PPP2R5D: variants seen among roughly 807,000 people sequenced by gnomAD.
The protein encoded by PPP2R5D is serine/threonine-protein phosphatase 2A 56 kDa regulatory subunit delta isoform.
A neutral mutation model predicts 79.1 loss-of-function variants in PPP2R5D; 12 were observed. That is an observed-to-expected ratio of 0.15 (90% confidence interval 0.10 to 0.25). The LOEUF (loss-of-function observed/expected upper bound fraction) is 0.25, where lower values mean the gene tolerates loss of function less well. Among genes scored for constraint, PPP2R5D ranks in the 10% least tolerant of loss-of-function variants. The pLI, the probability that PPP2R5D is intolerant of heterozygous loss-of-function variation, is 1.00. For synonymous variants in PPP2R5D, 277 were observed against 286.6 expected, an observed-to-expected ratio of 0.97 and a Z score of 0.34; for missense variants, 419 against 760.2, an observed-to-expected ratio of 0.55 and a Z score of 5.28.
At chr6:42,999,219 G>A (rs866454771) in intron 2 of PPP2R5D, among the ~76,000 whole-genome samples, 1 of 152,190 alleles carries the variant, frequency 6.6e-6, no homozygotes, top group Admixed American at 6.6e-5. Flanking sequence ...AGTGGCTGGG[G>A]CTTTTAAGAG....
Position 42,989,646 on chromosome 6 carries a change from T to G in PPP2R5D, c.63T>G (p.Pro21=), listed in dbSNP as rs1771110543. The change falls in exon 2 of 16, where the codon CCT becomes CCG. Residue 21 remains proline, a synonymous_variant. Transcript: ENST00000485511. ...PPKVAKCTAK[P]SSSGKDGGGE... is the part of the protein sequence containing the mutation. ...AGGTTGCCAAATGCACAGCCAAGCCTAGCAGCTCGGGCAAGGATGGTGGAG... is the reference window on the plus strand; with the variant it reads ...AGGTTGCCAAATGCACAGCCAAGCCGAGCAGCTCGGGCAAGGATGGTGGAG... The G allele has an allele frequency of 1.2e-6, 2 of 1,613,884 alleles. No individual in the cohort carries two copies. The highest frequency in any genetic ancestry group is 1.7e-5 in the Admixed American group (1 of 59,988).
rs1288346714 is a variant in PPP2R5D, at chr6:43,011,137, A to G, written c.1672-12A>G. The G allele has an allele frequency of 9.9e-6, 16 of 1,614,000 alleles. No homozygotes were observed. The highest frequency in any genetic ancestry group is 8.8e-5 in the South Asian group (8 of 91,084). On this transcript the variant is annotated splice_polypyrimidine_tract_variant and intron_variant, in intron 15 of 15. Transcript: ENST00000485511. ...GGTCACCATTCCTCACCTTGTCCCT[A>G]TTCACACACAGATGCTAAAAGACAT...
chr6:43,001,238 A>T (rs936589755), intron 2 of PPP2R5D, among the ~76,000 whole-genome samples: 1 of 152,076 alleles, frequency 6.6e-6, no homozygotes, highest in African/African-American at 2.4e-5. Flanking sequence ...CATTGCCAAG[A>T]TCAAGCAATT....
chr6:42,997,464 T>C (rs931562468), intron 2 of PPP2R5D, among the ~76,000 whole-genome samples: 1 of 151,820 alleles, frequency 6.6e-6, no homozygotes, highest in African/African-American at 2.4e-5. Context: ...AGTGCTGGGA[T>C]TACAGGCGTG....
chr6:43,009,474 T>G lies in PPP2R5D; in HGVS notation c.1379+25T>G. The stretch of plus-strand genomic sequence containing the variant: ...AGTAAGGCGCTGGGGTGGGGCTGGG[T>G]GGTGGGGATCCAGTTTGGGAAACTT... On this transcript the variant is annotated intron_variant, in intron 12 of 15. Transcript: ENST00000485511. This position sits in a 1 kb window ranked among gnomAD's most constrained non-coding sequence, Gnocchi z 5.6. 1 of 1,613,324 alleles carries G rather than the reference T, an allele frequency of 6.2e-7. No homozygotes were observed. Among genetic ancestry groups the G allele is most frequent in the Non-Finnish European group, 8.5e-7 (1 of 1,179,816 alleles).
chr6:43,008,169 G>T lies in PPP2R5D; in HGVS notation c.858-32G>T. 6.2e-7 allele frequency: 1 copy of T among 1,612,956 alleles called. No individual in the cohort carries two copies. The highest frequency in any genetic ancestry group is 8.5e-7 in the Non-Finnish European group (1 of 1,179,718). On this transcript the variant is annotated intron_variant, in intron 7 of 15. Transcript: ENST00000485511. This position sits in a 1 kb window ranked among gnomAD's most constrained non-coding sequence, Gnocchi z 4.2. ...TACAGAATGCTGGAGGGACATCAGG[G>T]GTTGTCAAGAGAGCCATTTTTCTTC...
Position 43,008,289 on chromosome 6 carries a change from C to T in PPP2R5D, c.917+29C>T. On this transcript the variant is annotated intron_variant, in intron 8 of 15. Coordinates refer to ENST00000485511, the MANE Select transcript of PPP2R5D (RefSeq NM_006245.4). The surrounding 1 kb of genome is among the most constrained non-coding windows in gnomAD (Gnocchi z 4.2). ...AGAGGCCGGGTGGGGGCACAGATGC[C>T]TGAAAAAGGTTGGCAGGATTGGTGT... 1 of 1,614,082 alleles carries T rather than the reference C, an allele frequency of 6.2e-7. No homozygotes were observed. Among genetic ancestry groups the T allele is most frequent in the Non-Finnish European group, 8.5e-7 (1 of 1,179,942 alleles).
At chr6:42,996,830 C>T (rs1206911309) in intron 2 of PPP2R5D, among the ~76,000 whole-genome samples, 1 of 152,090 alleles carries the variant, frequency 6.6e-6, no homozygotes, top group African/African-American at 2.4e-5. Flanking sequence ...GAGAGAAGGC[C>T]TCTGATTTTT....
At position 43,011,151 on chromosome 6, in the gene PPP2R5D, G is replaced by A; in HGVS notation, c.1674G>A (p.Met558Ile). Residue 558 changes from methionine to isoleucine, a missense_variant and splice_region_variant, in exon 16 of 16, where the codon ATG becomes ATA. Physicochemically the swap from Met to Ile is conservative, Grantham distance 10. Transcript: ENST00000485511. Reference sequence around the variant, plus strand: ...ACCTTGTCCCTATTCACACACAGATGCTAAAAGACATCAAGAAGGAGAAAG... The same window carrying A: ...ACCTTGTCCCTATTCACACACAGATACTAAAAGACATCAAGAAGGAGAAAG... Reference protein sequence around the residue: ...KRTVETEAVQMLKDIKKEKVL... With the variant: ...KRTVETEAVQILKDIKKEKVL... The A allele has an allele frequency of 1.9e-6, 3 of 1,614,122 alleles. No homozygotes were observed. The highest frequency in any genetic ancestry group is 3.3e-5 in the Admixed American group (2 of 60,012).
chr6:43,006,854 G>A lies in PPP2R5D; in HGVS notation c.323-57G>A, dbSNP rs1162237812. On this transcript the variant is annotated intron_variant, in intron 3 of 15. Transcript: ENST00000485511. This position sits in a 1 kb window ranked among gnomAD's most constrained non-coding sequence, Gnocchi z 4.7. ...GGTAAGGGAAAGCCCTTGAAGGCAAGCAGGGCATCGCAGTGAAGGACTACA... is the reference window on the plus strand; with the variant it reads ...GGTAAGGGAAAGCCCTTGAAGGCAAACAGGGCATCGCAGTGAAGGACTACA... The A allele has an allele frequency of 6.3e-7, 1 of 1,599,414 alleles. No homozygotes were observed. Among genetic ancestry groups the A allele is most frequent in the Non-Finnish European group, 8.6e-7 (1 of 1,168,962 alleles).
chr6:42,987,686 G>C (rs866560437), intron 1 of PPP2R5D, among the ~76,000 whole-genome samples: 32 of 152,104 alleles, frequency 2.1e-4, no homozygotes, highest in Non-Finnish European at 4.7e-4. Flanking sequence ...TGTTCTGCAG[G>C]AGCCAGGGAG....
At chr6:43,003,158 C>G (rs1321870236) in intron 2 of PPP2R5D, among the ~76,000 whole-genome samples, 1 of 152,158 alleles carries the variant, frequency 6.6e-6, no homozygotes, top group Non-Finnish European at 1.5e-5. Flanking sequence ...CACGGTGGCT[C>G]ACACCTGTAA....
At position 43,009,035 on chromosome 6, in the gene PPP2R5D, C is replaced by T. The variant is rs1033731294; in HGVS notation, c.1081-22C>T. On this transcript the variant is annotated intron_variant, in intron 10 of 15. Transcript: ENST00000485511. The surrounding 1 kb of genome is among the most constrained non-coding windows in gnomAD (Gnocchi z 5.6). ...AGGCAGGTGCAAAGAATTTTCATCC[C>T]CATGCCCTCCTTGTCTCCCAGGTAA... 1.2e-6 allele frequency: 2 copies of T among 1,610,486 alleles called. No homozygotes were observed. Among genetic ancestry groups the T allele is most frequent in the Non-Finnish European group, 1.7e-6 (2 of 1,177,856 alleles).
chr6:43,007,858 C>T lies in PPP2R5D; in HGVS notation c.727-77C>T, dbSNP rs770523983. On this transcript the variant is annotated intron_variant, in intron 6 of 15. Transcript: ENST00000485511. This position sits in a 1 kb window ranked among gnomAD's most constrained non-coding sequence, Gnocchi z 4.5. ...CAGGGGACCTCTGCATTTCCCCTGGCGGGACCTATGTCACCCTGGCCACTG... is the reference window on the plus strand; with the variant it reads ...CAGGGGACCTCTGCATTTCCCCTGGTGGGACCTATGTCACCCTGGCCACTG... 47 of 1,574,802 alleles carry T rather than the reference C, an allele frequency of 3.0e-5. No homozygotes were observed. In the Admixed American group the frequency reaches 4.4e-4, roughly 15 times the overall value.
intron 2 of PPP2R5D, among the ~76,000 whole-genome samples, chr6:42,993,647 T>C (rs1331219240): frequency 6.6e-6 from 1 of 152,256 alleles, no homozygotes; most frequent in Non-Finnish European, 1.5e-5. Context: ...TCCTTGTAGA[T>C]GCATCACTTT....
In PPP2R5D at chr6:43,011,157, A is replaced by C; in HGVS notation, c.1680A>C (p.Lys560Asn). The C allele has an allele frequency of 6.2e-7, 1 of 1,614,170 alleles. No individual in the cohort carries two copies. The highest frequency in any genetic ancestry group is 1.1e-5 in the South Asian group (1 of 91,090). The part of the protein sequence containing the change: ...TVETEAVQML[K>N]DIKKEKVLLR... ...TCCCTATTCACACACAGATGCTAAA[A>C]GACATCAAGAAGGAGAAAGTGCTGC... Residue 560 changes from lysine to asparagine, a missense_variant, in exon 16 of 16, where the codon AAA becomes AAC. Physicochemically the swap from Lys to Asn is moderately conservative, Grantham distance 94. Coordinates refer to ENST00000485511, the MANE Select transcript of PPP2R5D (RefSeq NM_006245.4).
chr6:42,998,371 C>T (rs570576402), intron 2 of PPP2R5D, among the ~76,000 whole-genome samples: 6 of 151,976 alleles, frequency 3.9e-5, no homozygotes, highest in East Asian at 1.9e-4. Context: ...CTGTGCCCAG[C>T]GTGGGTTTAA....
chr6:43,001,446 C>A (rs1772198851), intron 2 of PPP2R5D, among the ~76,000 whole-genome samples: 1 of 152,040 alleles, frequency 6.6e-6, no homozygotes, highest in Non-Finnish European at 1.5e-5. Context: ...GCCAGGATCC[C>A]CCATTTTTAA....
chr6:42,986,081 G>T (rs1036770058), intron 1 of PPP2R5D, among the ~76,000 whole-genome samples: 8 of 152,076 alleles, frequency 5.3e-5, no homozygotes, highest in Non-Finnish European at 8.8e-5. Context: ...CTGGCCCACA[G>T]GCCAGTTCTT....
Sources: allele counts gnomAD v4.1 joint callset (sites outside exome capture counted in the v4.1 genomes callset), GRCh38; gene constraint gnomAD v4.1.1; non-coding constraint Gnocchi (gnomAD v3.1); transcripts MANE v1.5; gene names NCBI Gene and HGNC (gene_info 2026-07-23, HGNC 2026-07-21).